RARB: variants seen among roughly 807,000 people sequenced by gnomAD.
The protein encoded by RARB is HBV-activated protein.
In RARB, 17 loss-of-function variants were observed where a neutral mutation model predicts 51.9. The observed-to-expected ratio is 0.33, with a 90% CI of 0.22 to 0.49. RARB has a LOEUF of 0.49. RARB is among the 20% of genes least tolerant of loss of function. The pLI, the probability that RARB is intolerant of heterozygous loss-of-function variation, is 0.99. For synonymous variants in RARB, 215 were observed against 195.4 expected, an observed-to-expected ratio of 1.10 and a Z score of -0.84; for missense variants, 369 against 550.8, an observed-to-expected ratio of 0.67 and a Z score of 3.30.
At chr3:25,494,489 T>G (rs1390216710) in intron 2 of RARB, among the ~76,000 whole-genome samples, 1 of 152,236 alleles carries the variant, frequency 6.6e-6, no homozygotes, top group Non-Finnish European at 1.5e-5. Flanking sequence ...GTAAATATTT[T>G]ATGTGTCTGC....
chr3:24,852,105 T>G (rs1250144959), intron 1 of RARB, among the ~76,000 whole-genome samples: 1 of 152,248 alleles, frequency 6.6e-6, no homozygotes, highest in Non-Finnish European at 1.5e-5. Context: ...CCTAATTTTT[T>G]TGTTTATAAA....
intron 1 of RARB, among the ~76,000 whole-genome samples, chr3:24,843,319 TA>T (rs1478727761): frequency 6.6e-6 from 1 of 152,192 alleles, no homozygotes; most frequent in Non-Finnish European, 1.5e-5. Context: ...GGGAAGTAGA[TA>T]AAACATTAAT....
chr3:24,897,361 T>C (rs149778865), intron 2 of RARB, among the ~76,000 whole-genome samples: 48 of 152,320 alleles, frequency 3.2e-4, no homozygotes, highest in African/African-American at 1.1e-3. Flanking sequence ...ATGTGTAGTG[T>C]AGTTTTTGAC....
chr3:25,034,416 T>C (rs1413518955), intron 2 of RARB, among the ~76,000 whole-genome samples: 1 of 152,212 alleles, frequency 6.6e-6, no homozygotes, highest in East Asian at 1.9e-4. Flanking sequence ...AGCTTAAAAA[T>C]GCAATGTCTT....
intron 2 of RARB, among the ~76,000 whole-genome samples, chr3:24,884,729 A>C (rs1703236838): frequency 6.6e-6 from 1 of 152,156 alleles, no homozygotes; most frequent in South Asian, 2.1e-4. Flanking sequence ...CATTGAGTGG[A>C]ATCTCATGTT....
chr3:24,913,009 C>T (rs1367003968), intron 2 of RARB, among the ~76,000 whole-genome samples: 1 of 61,566 alleles, frequency 1.6e-5, no homozygotes, highest in East Asian at 5.0e-4. Context: ...GAGACAGAGT[C>T]TCGCTCTGTC....
chr3:25,219,404 G>C (rs1017058681), intron 5 of RARB, among the ~76,000 whole-genome samples: 6 of 152,150 alleles, frequency 3.9e-5, no homozygotes, highest in African/African-American at 1.4e-4. Context: ...CTACGTAATG[G>C]CTCTGAGTTC....
chr3:25,217,576 G>A (rs1419120773), intron 5 of RARB, among the ~76,000 whole-genome samples: 1 of 152,124 alleles, frequency 6.6e-6, no homozygotes, highest in Non-Finnish European at 1.5e-5. Flanking sequence ...GGGATTTGGA[G>A]TCACTGCCAG....
intron 2 of RARB, among the ~76,000 whole-genome samples, chr3:25,496,884 T>C (rs1044395796): frequency 6.6e-6 from 1 of 152,034 alleles, no homozygotes; most frequent in African/African-American, 2.4e-5. Context: ...TGTTTTTTTG[T>C]TTGTTTGTTT....
intron 2 of RARB, among the ~76,000 whole-genome samples, chr3:24,874,845 T>G (rs1395757657): frequency 6.6e-6 from 1 of 152,006 alleles, no homozygotes; most frequent in African/African-American, 2.4e-5. Context: ...ATTTTTTGCC[T>G]TCTATTTTGT....
At chr3:24,928,879 C>T (rs1336018247) in intron 2 of RARB, among the ~76,000 whole-genome samples, 1 of 151,860 alleles carries the variant, frequency 6.6e-6, no homozygotes, top group Non-Finnish European at 1.5e-5. Flanking sequence ...TTAGTAATTC[C>T]TAGAAATTGG....
chr3:24,886,102 T>C (rs2125360263), intron 2 of RARB, among the ~76,000 whole-genome samples: 1 of 152,284 alleles, frequency 6.6e-6, no homozygotes, highest in East Asian at 1.9e-4. Context: ...CTCAAGCCCC[T>C]AGGTCTCTGT....
At chr3:24,977,596 T>G (rs1228903175) in intron 2 of RARB, among the ~76,000 whole-genome samples, 1 of 152,186 alleles carries the variant, frequency 6.6e-6, no homozygotes, top group Non-Finnish European at 1.5e-5. Context: ...GCTTGTGAAT[T>G]TTGCACATTG....
chr3:25,185,837 T>C (rs1345935974), intron 5 of RARB, among the ~76,000 whole-genome samples: 1 of 152,132 alleles, frequency 6.6e-6, no homozygotes, highest in Non-Finnish European at 1.5e-5. Context: ...AGAATTCGTA[T>C]GCCACTATTG....
At chr3:25,458,759 A>T (rs933620864) in intron 1 of RARB, among the ~76,000 whole-genome samples, 4 of 152,190 alleles carry the variant, frequency 2.6e-5, no homozygotes, top group Non-Finnish European at 4.4e-5. Context: ...TCATTCCAAG[A>T]TTCTTCTGAA....
chr3:25,148,829 A>G (rs1700236253), intron 4 of RARB, among the ~76,000 whole-genome samples: 1 of 152,178 alleles, frequency 6.6e-6, no homozygotes, highest in Non-Finnish European at 1.5e-5. Context: ...TTTTAAAGCC[A>G]CAGCTTGGAT....
At chr3:24,991,768 T>C (rs989671359) in intron 2 of RARB, among the ~76,000 whole-genome samples, 5 of 151,912 alleles carry the variant, frequency 3.3e-5, no homozygotes, top group Admixed American at 1.3e-4. Context: ...GGTGTTTTTT[T>C]TTTTTCCCTC....
intron 2 of RARB, among the ~76,000 whole-genome samples, chr3:24,913,278 C>T (rs1189856137): frequency 6.6e-6 from 1 of 151,982 alleles, no homozygotes; most frequent in Non-Finnish European, 1.5e-5. Context: ...GCCACCGCGC[C>T]CAGCCGGTAC....
intron 3 of RARB, among the ~76,000 whole-genome samples, chr3:25,516,532 GTT>G (rs1477437889): frequency 1.3e-5 from 2 of 151,848 alleles, no homozygotes; most frequent in African/African-American, 4.8e-5. Context: ...TTAACAAAAA[GTT>G]TTGGCTGGTA....
Sources: allele counts gnomAD v4.1 joint callset (sites outside exome capture counted in the v4.1 genomes callset), GRCh38; gene constraint gnomAD v4.1.1; transcripts MANE v1.5; gene names NCBI Gene and HGNC (gene_info 2026-07-23, HGNC 2026-07-21).